The following PDS5A variants were observed in gnomAD, a reference collection of about 807,000 sequenced individuals.
PDS5A encodes PDS5 cohesin associated factor A.
PDS5A carries 42 observed loss-of-function variants against 167.1 expected under a neutral mutation model. The observed-to-expected ratio is 0.25, with a 90% confidence interval of 0.20 to 0.33. The LOEUF (loss-of-function observed/expected upper bound fraction) is 0.33, where lower values mean the gene tolerates loss of function less well. Ranked by LOEUF, PDS5A falls within the 10% of genes least tolerant of loss-of-function variation. The probability of loss-of-function intolerance (pLI) is 1.00; values close to 1 mark genes in which losing one functional copy is unlikely to be tolerated. For synonymous variants in PDS5A, 553 were observed against 554.6 expected (o/e 1.00, Z 0.04); for missense variants, 1,033 against 1,605.9 (o/e 0.64, Z 6.10).
At chr4:39,932,493 C>A (rs1726168835) in intron 2 of PDS5A, 1 of 228,008 alleles carries the variant, frequency 4.4e-6, no homozygotes. Context: ...CTGTGAAGGT[C>A]CTGATGCCAT....
chr4:39,973,076 G>A lies in PDS5A; in HGVS notation c.138+3364C>T. On this transcript the variant is annotated intron_variant, in intron 2 of 32. Transcript: ENST00000303538. ...CCATATTTAAGTTTTTCGATGTTTA[G>A]ATATTTTTCTTTGGTGAAGCACAAG... 4.2e-6 allele frequency: 3 copies of A among 710,950 alleles called. No individual in the cohort carries two copies. In the East Asian group the frequency reaches 7.6e-5, roughly 18 times the overall value. The allele number at this position is 710,950 out of a possible 1,614,324, so 44.0% of individuals were successfully genotyped here. A position where few individuals can be genotyped will look rare whatever the true frequency, so the allele number is the denominator to read the frequency against.
At chr4:39,870,705 C>T (rs934841781) in intron 21 of PDS5A, among the ~76,000 whole-genome samples, 1 of 152,120 alleles carries the variant, frequency 6.6e-6, no homozygotes, top group Non-Finnish European at 1.5e-5. Context: ...ATATCCTTGA[C>T]ATCATCATTC....
At position 39,922,652 on chromosome 4, in the gene PDS5A, G is replaced by T. The variant is rs778078641; in HGVS notation, c.624C>A (p.Ser208=). 1 of 1,598,226 alleles carries T rather than the reference G, an allele frequency of 6.3e-7. No individual in the cohort carries two copies. Among genetic ancestry groups the T allele is most frequent in the Non-Finnish European group, 8.5e-7 (1 of 1,173,048 alleles). The change falls in exon 6 of 33, where the codon TCC becomes TCA. Residue 208 remains serine, a synonymous_variant. Transcript: ENST00000303538. ...GDGVTQELLD[S]ILINLIPAHK... is the part of the protein sequence containing the mutation. Reference sequence around the variant, plus strand: ...GTGCAGGAATGAGGTTAATAAGAATGGAGTCCAATAATTCTTGAGTAACTC... The same window carrying T: ...GTGCAGGAATGAGGTTAATAAGAATTGAGTCCAATAATTCTTGAGTAACTC...
chr4:39,927,961 CTTAAGT>C lies in PDS5A; in HGVS notation c.336_341del (p.Leu113_Lys114del). ...ATAAAGTGAAAAAGGCTGTATTTAC[CTTAAGT>C]TTATCATGGGAAGTATATGGAGCTT... is the stretch of plus-strand genomic sequence containing the variant. On this transcript the variant is annotated inframe_deletion and splice_region_variant, in exon 3 of 33. Coordinates refer to ENST00000303538, the MANE Select transcript of PDS5A (RefSeq NM_001100399.2). 6.2e-7 allele frequency: 1 copy of C among 1,606,154 alleles called. No homozygotes were observed. The highest frequency in any genetic ancestry group is 8.5e-7 in the Non-Finnish European group (1 of 1,173,038).
At chr4:39,874,197 A>G (rs1720281948) in intron 20 of PDS5A, 92 bp downstream of exon 20, 25 of 1,068,492 alleles carry the variant, frequency 2.3e-5, no homozygotes, top group Non-Finnish European at 3.3e-5. Context: ...CTTCATATAA[A>G]CAGCTTTAAA....
intron 26 of PDS5A, among the ~76,000 whole-genome samples, chr4:39,860,099 A>G (rs1285052498): frequency 1.3e-5 from 2 of 152,164 alleles, no homozygotes; most frequent in African/African-American, 4.8e-5. Context: ...AGGTTTCTCA[A>G]AAAAACAAAA....
At chr4:39,910,941 T>A (rs1723829127) in intron 9 of PDS5A, among the ~76,000 whole-genome samples, 1 of 152,088 alleles carries the variant, frequency 6.6e-6, no homozygotes, top group Non-Finnish European at 1.5e-5. Context: ...AAGATCAGCC[T>A]TGAAAACACA....
At chr4:39,949,463 A>G (rs1728114222) in intron 2 of PDS5A, among the ~76,000 whole-genome samples, 1 of 152,010 alleles carries the variant, frequency 6.6e-6, no homozygotes, top group African/African-American at 2.4e-5. Flanking sequence ...GTGATTCCTT[A>G]GGACTGTGGG....
intron 2 of PDS5A, among the ~76,000 whole-genome samples, chr4:39,964,795 T>C (rs901561940): frequency 6.6e-6 from 1 of 151,642 alleles, no homozygotes; most frequent in African/African-American, 2.4e-5. Flanking sequence ...ACATAAAAAT[T>C]AGGTGGGCAT....
chr4:39,939,246 G>T (rs1026432112), intron 2 of PDS5A, among the ~76,000 whole-genome samples: 2 of 152,108 alleles, frequency 1.3e-5, no homozygotes, highest in African/African-American at 4.8e-5. Context: ...AAAATCGCTT[G>T]AGCCCAAGTG....
intron 2 of PDS5A, among the ~76,000 whole-genome samples, chr4:39,959,982 A>C (rs1729322993): frequency 6.6e-6 from 1 of 152,130 alleles, no homozygotes; most frequent in Non-Finnish European, 1.5e-5. Flanking sequence ...AGTCCCACCA[A>C]CTTGGGAGGC....
chr4:39,898,084 T>G, intron 16 of PDS5A: 1 of 1,080,534 alleles, frequency 9.3e-7, no homozygotes, highest in Non-Finnish European at 1.1e-6. Context: ...AAAATGCACA[T>G]GTACACAAGC....
intron 31 of PDS5A, among the ~76,000 whole-genome samples, chr4:39,839,699 C>T (rs62307875): frequency 0.059 from 7,840 of 132,312 alleles, 278 homozygotes; most frequent in Middle Eastern, 0.13. Flanking sequence ...TATTTGATGA[C>T]TACAATAAGT....
At chr4:39,927,823 T>C (rs1260993377) in intron 3 of PDS5A, 138 bp downstream of exon 3, 4 of 625,982 alleles carry the variant, frequency 6.4e-6, no homozygotes, top group Admixed American at 3.0e-5. Flanking sequence ...TGAATAATTT[T>C]GCAACTTACA....
In PDS5A at chr4:39,850,576, T is replaced by C. The variant is rs113687475; in HGVS notation, c.3087-924A>G. The stretch of plus-strand genomic sequence containing the variant: ...TCAACACACAGCAGTCTTGGGATTT[T>C]GATTATTTGTAAGCTATGCAGAAGT... On this transcript the variant is annotated intron_variant, in intron 26 of 32. Coordinates refer to ENST00000303538, the MANE Select transcript of PDS5A (RefSeq NM_001100399.2). 4.0e-3 allele frequency among the ~76,000 whole-genome samples: 602 copies of C among 152,332 alleles called. 5 individuals are homozygous for C. Among genetic ancestry groups the C allele is most frequent in the African/African-American group, 0.014 (584 of 41,580 alleles).
intron 26 of PDS5A, among the ~76,000 whole-genome samples, chr4:39,860,734 C>T (rs2109541701): frequency 6.6e-6 from 1 of 152,220 alleles, no homozygotes; most frequent in African/African-American, 2.4e-5. Context: ...ATAAGCCAAG[C>T]CCAGAGACAA....
At chr4:39,829,553 A>G (rs1434828797) in intron 32 of PDS5A, among the ~76,000 whole-genome samples, 1 of 152,064 alleles carries the variant, frequency 6.6e-6, no homozygotes, top group African/African-American at 2.4e-5. Context: ...AGGCTGAAGC[A>G]GAAAAATTGC....
chr4:39,888,133 T>C (rs1419900612), intron 17 of PDS5A, among the ~76,000 whole-genome samples: 1 of 148,412 alleles, frequency 6.7e-6, no homozygotes, highest in African/African-American at 2.5e-5. Context: ...CCTGTAGTCC[T>C]AGCTACTCGG....
At chr4:39,932,767 T>G (rs1301676199) in intron 2 of PDS5A, 2 of 151,924 alleles carry the variant, frequency 1.3e-5, no homozygotes, top group African/African-American at 4.9e-5. Flanking sequence ...GAGGCGGAGG[T>G]TGCAGTGAGC....
Sources: gnomAD v4.1 joint callset for allele counts (sites outside exome capture counted in the v4.1 genomes callset) on GRCh38, gnomAD v4.1.1 for gene constraint, MANE v1.5 for transcripts, NCBI Gene and HGNC (gene_info 2026-07-23, HGNC 2026-07-21) for gene names.